Variants in CMKLR2 observed in about 807,000 individuals in gnomAD.
CMKLR2 encodes the protein chemerin-like receptor 2.
In CMKLR2, 18 loss-of-function variants were observed where a neutral mutation model predicts 23.0. The observed-to-expected ratio is 0.78, with a 90% CI of 0.54 to 1.16. The LOEUF (loss-of-function observed/expected upper bound fraction) is 1.16. CMKLR2 is among the 50% of genes most tolerant of loss of function. The pLI is 0.00. For synonymous variants in CMKLR2, 158 were observed against 158.9 expected, an observed-to-expected ratio of 0.99 and a Z score of 0.05; for missense variants, 401 against 412.7, an observed-to-expected ratio of 0.97 and a Z score of 0.25.
chr2:206,192,416 T>A (rs1688783944), intron 1 of CMKLR2, among the ~76,000 whole-genome samples: 1 of 151,592 alleles, frequency 6.6e-6, no homozygotes, highest in Admixed American at 6.6e-5. Context: ...TTTTTCTGTT[T>A]ATTTGGTTGG....
chr2:206,212,380 G>A (rs1335203034), intron 1 of CMKLR2, among the ~76,000 whole-genome samples: 1 of 97,394 alleles, frequency 1.0e-5, no homozygotes, highest in Non-Finnish European at 2.2e-5. Context: ...CCCAGGAAAG[G>A]TCCCTTGGCC....
At chr2:206,182,033 A>G (rs1019165549) in intron 1 of CMKLR2, among the ~76,000 whole-genome samples, 1 of 151,960 alleles carries the variant, frequency 6.6e-6, no homozygotes, top group African/African-American at 2.4e-5. Flanking sequence ...GGACCATCAT[A>G]AAGGGCTTCA....
chr2:206,210,545 G>A (rs572888117), intron 1 of CMKLR2, among the ~76,000 whole-genome samples: 1 of 151,176 alleles, frequency 6.6e-6, no homozygotes, highest in African/African-American at 2.4e-5. Context: ...TGCAACCTCC[G>A]CCTTCCAGGT....
intron 1 of CMKLR2, among the ~76,000 whole-genome samples, chr2:206,178,114 A>G (rs1260813952): frequency 6.6e-6 from 1 of 152,156 alleles, no homozygotes; most frequent in East Asian, 1.9e-4. Flanking sequence ...ATAAATTTTT[A>G]AAATAGCCAG....
chr2:206,187,201 G>A (rs1304723526), intron 1 of CMKLR2, among the ~76,000 whole-genome samples: 1 of 152,058 alleles, frequency 6.6e-6, no homozygotes, highest in African/African-American at 2.4e-5. Flanking sequence ...ACAAAAATTA[G>A]CCAGGCGCAG....
chr2:206,213,998 C>T (rs557704062), upstream of CMKLR2, among the ~76,000 whole-genome samples: 1 of 151,760 alleles, frequency 6.6e-6, no homozygotes, highest in East Asian at 1.9e-4. Flanking sequence ...AGACTACAGG[C>T]ACCTACCACC....
At position 206,177,223 on chromosome 2, in the gene CMKLR2, A is replaced by G. The variant is rs1688261989; in HGVS notation, c.25T>C (p.Phe9Leu). 6.2e-7 allele frequency: 1 copy of G among 1,604,754 alleles called. No individual in the cohort carries two copies. Among genetic ancestry groups the G allele is most frequent in the South Asian group, 1.1e-5 (1 of 89,468 alleles). Residue 9 changes from phenylalanine (F) to leucine (L), a missense_variant, in exon 2 of 2, where the codon TTT (phenylalanine) becomes CTT (leucine). Transcript: ENST00000621141. ...TAGGAATAGTTTTCAAATTCTTCAA[A>G]TAATGTTTCCTCCAAATCTTCCATG... MEDLEETL[F>L]EEFENYSYDL...
upstream of CMKLR2, among the ~76,000 whole-genome samples, chr2:206,216,112 T>C (rs1167897027): frequency 2.0e-5 from 3 of 152,184 alleles, no homozygotes; most frequent in Admixed American, 1.3e-4. Context: ...AAGGCTGTTA[T>C]GGCTAGTATT....
chr2:206,206,962 G>A (rs1689347789), intron 1 of CMKLR2, among the ~76,000 whole-genome samples: 1 of 133,756 alleles, frequency 7.5e-6, no homozygotes, highest in African/African-American at 2.8e-5. Flanking sequence ...AGAATGTTGA[G>A]GACGTAGAAA....
At chr2:206,215,712 A>G (rs774677721), upstream of CMKLR2, among the ~76,000 whole-genome samples, 15 of 152,280 alleles carry the variant, frequency 9.9e-5, 2 homozygotes, top group South Asian at 2.7e-3. Context: ...TTGACACCCT[A>G]AGGCATGACT....
intron 1 of CMKLR2, among the ~76,000 whole-genome samples, chr2:206,200,702 G>T (rs1249173843): frequency 1.3e-5 from 2 of 152,062 alleles, no homozygotes; most frequent in Admixed American, 6.6e-5. Context: ...GGCCCCAAGA[G>T]ATCCTCCCTT....
chr2:206,204,213 G>T (rs958269765), intron 1 of CMKLR2, among the ~76,000 whole-genome samples: 1 of 151,858 alleles, frequency 6.6e-6, no homozygotes, highest in Non-Finnish European at 1.5e-5. Context: ...TTAGCCGGGC[G>T]TGGTGGCGGG....
At chr2:206,208,356 CATA>C (rs1484836472) in intron 1 of CMKLR2, among the ~76,000 whole-genome samples, 2 of 151,986 alleles carry the variant, frequency 1.3e-5, no homozygotes, top group African/African-American at 2.4e-5. Flanking sequence ...GCCTGGGAAA[CATA>C]ATGAGACCTC....
At chr2:206,181,821 G>A (rs1277974643) in intron 1 of CMKLR2, among the ~76,000 whole-genome samples, 5 of 152,012 alleles carry the variant, frequency 3.3e-5, no homozygotes, top group African/African-American at 9.6e-5. Flanking sequence ...GTATGGTGGT[G>A]CATGCCTGTA....
At position 206,176,287 on chromosome 2, in the gene CMKLR2, C is replaced by T; in HGVS notation, c.961G>A (p.Glu321Lys). 1.2e-6 allele frequency: 2 copies of T among 1,614,146 alleles called. No homozygotes were observed. Among genetic ancestry groups the T allele is most frequent in the South Asian group, 1.1e-5 (1 of 91,076 alleles). ...FQARFRSSVA[E>K]ILKYTLWEVS... ...TCCCACAGTGTGTACTTGAGTATCTCAGCAACTGAGGACCGGAAGCGAGCT... is the reference window on the plus strand; with the variant it reads ...TCCCACAGTGTGTACTTGAGTATCTTAGCAACTGAGGACCGGAAGCGAGCT... Residue 321 changes from glutamate (E) to lysine (K), a missense_variant, in exon 2 of 2, where the codon GAG becomes AAG. Coordinates refer to ENST00000621141, the MANE Select transcript of CMKLR2 (RefSeq NM_001389445.1).
chr2:206,180,016 C>T (rs73067885), intron 1 of CMKLR2, among the ~76,000 whole-genome samples: 1 of 152,106 alleles, frequency 6.6e-6, no homozygotes, highest in African/African-American at 2.4e-5. Context: ...TCCTCCCAAC[C>T]CTAGCCCAGC....
chr2:206,178,574 T>G (rs1039892525), intron 1 of CMKLR2, among the ~76,000 whole-genome samples: 4 of 152,236 alleles, frequency 2.6e-5, no homozygotes, highest in African/African-American at 9.6e-5. Flanking sequence ...TTTATCTTAT[T>G]GAAATAATTC....
chr2:206,202,926 C>T (rs1476706339), intron 1 of CMKLR2, among the ~76,000 whole-genome samples: 2 of 151,990 alleles, frequency 1.3e-5, no homozygotes, highest in East Asian at 3.9e-4. Context: ...ACTCACCTTC[C>T]ACCCTAGTTC....
At position 206,176,368 on chromosome 2, in the gene CMKLR2, A is replaced by G. The variant is rs374533476; in HGVS notation, c.880T>C (p.Phe294Leu). 8.1e-6 allele frequency: 13 copies of G among 1,614,188 alleles called. No homozygotes were observed. The highest frequency in any genetic ancestry group is 1.1e-5 in the Non-Finnish European group (13 of 1,180,030). The part of the protein sequence containing the change: ...AGIPLSTGLA[F>L]LNSCLNPILY... ...ATGGGGTTCAAGCAACTATTGAGGA[A>G]TGCCAAACCAGTGGAGAGGGGGATT... The change falls in exon 2 of 2, where the codon TTC becomes CTC. Residue 294 changes from phenylalanine (F) to leucine (L), a missense_variant. By Grantham distance (22) the Phe-to-Leu change is conservative. Transcript: ENST00000621141.
Sources: gnomAD v4.1 joint callset for allele counts (sites outside exome capture counted in the v4.1 genomes callset) on GRCh38, gnomAD v4.1.1 for gene constraint, MANE v1.5 for transcripts, NCBI Gene and HGNC (gene_info 2026-07-23, HGNC 2026-07-21) for gene names.